The following AKAP9 variants were observed in gnomAD, a reference collection of about 807,000 sequenced individuals.
AKAP9 encodes A-kinase anchor protein 9.
Under a neutral mutation model 488.5 loss-of-function variants are expected in AKAP9, and 311 were observed. That is an observed-to-expected ratio of 0.64 (90% CI 0.58 to 0.70). The LOEUF (loss-of-function observed/expected upper bound fraction) is 0.70, where lower values mean the gene tolerates loss of function less well. Ranked by LOEUF, AKAP9 falls within the 30% of genes least tolerant of loss-of-function variation. The pLI is 0.00. For missense variants in AKAP9, 4,215 were observed against 4,374.5 expected, an observed-to-expected ratio of 0.96 and a Z score of 1.03; for synonymous variants, 1,462 against 1,483.5, an observed-to-expected ratio of 0.99 and a Z score of 0.33.
chr7:92,054,127 G>A (rs909381692), intron 22 of AKAP9, among the ~76,000 whole-genome samples: 2 of 152,086 alleles, frequency 1.3e-5, no homozygotes, highest in African/African-American at 4.8e-5. Context: ...ATGAATTTCA[G>A]CTCAGTTTTT....
At chr7:91,946,076 A>G (rs1299938881) in intron 1 of AKAP9, among the ~76,000 whole-genome samples, 1 of 152,170 alleles carries the variant, frequency 6.6e-6, no homozygotes, top group African/African-American at 2.4e-5. Context: ...AGTAGTTCCA[A>G]TTGTGTACAA....
chr7:92,027,725 C>T (rs1165997678), intron 14 of AKAP9, among the ~76,000 whole-genome samples: 1 of 149,952 alleles, frequency 6.7e-6, no homozygotes, highest in Non-Finnish European at 1.5e-5. Flanking sequence ...AGCGCCTCTG[C>T]CTGGCCGCTG....
chr7:92,056,184 TTC>T (rs1327533216), intron 22 of AKAP9, among the ~76,000 whole-genome samples: 1 of 152,046 alleles, frequency 6.6e-6, no homozygotes, highest in African/African-American at 2.4e-5. Context: ...TCAGTAATTT[TTC>T]TCTCTTATCT....
intron 8 of AKAP9, among the ~76,000 whole-genome samples, chr7:92,006,947 C>G (rs1338079182): frequency 1.3e-5 from 2 of 152,180 alleles, no homozygotes; most frequent in Admixed American, 1.3e-4. Context: ...TCCTTGAGAA[C>G]AGGGACCCAG....
rs1315066781 is a variant in AKAP9 at position 92,052,781 on chromosome 7, T to C, written c.5424T>C (p.Ile1808=). The part of the protein sequence containing the change: ...YSGSDMPRND[I]NMWSKVTEEG... ...GAAGTGATATGCCAAGAAATGACAT[T>C]AACATGTGGTCAAAAGTAACTGAGG... Residue 1808 remains isoleucine, a synonymous_variant, in exon 22 of 50, where the codon ATT becomes ATC. Transcript: ENST00000356239. 1 of 1,613,792 alleles carries C rather than the reference T, an allele frequency of 6.2e-7. No homozygotes were observed. The highest frequency in any genetic ancestry group is 8.5e-7 in the Non-Finnish European group (1 of 1,179,790).
At chr7:91,999,883 A>AG (rs1463497037) in intron 7 of AKAP9, among the ~76,000 whole-genome samples, 28 of 135,716 alleles carry the variant, frequency 2.1e-4, no homozygotes, top group Admixed American at 9.4e-4. Context: ...CATTCATTCA[A>AG]GGCACCTTTA....
intron 22 of AKAP9, among the ~76,000 whole-genome samples, chr7:92,058,571 T>C (rs1809217664): frequency 1.3e-5 from 2 of 152,070 alleles, no homozygotes; most frequent in Non-Finnish European, 2.9e-5. Flanking sequence ...GAGTTCCAAC[T>C]TGGCTATGTT....
chr7:92,027,880 G>C (rs1469442775), intron 14 of AKAP9, among the ~76,000 whole-genome samples: 5 of 152,210 alleles, frequency 3.3e-5, no homozygotes, highest in Non-Finnish European at 7.3e-5. Context: ...AAGAAAGAGA[G>C]ATCAGATTGT....
At chr7:92,046,262 C>T (rs1381877506) in intron 21 of AKAP9, among the ~76,000 whole-genome samples, 1 of 152,136 alleles carries the variant, frequency 6.6e-6, no homozygotes, top group Non-Finnish European at 1.5e-5. Context: ...GATGGAGAAA[C>T]ATAGGATGTG....
chr7:91,955,178 G>A (rs1456031675), intron 1 of AKAP9, among the ~76,000 whole-genome samples: 4 of 152,134 alleles, frequency 2.6e-5, no homozygotes, highest in African/African-American at 9.7e-5. Context: ...AACTTAGGGT[G>A]GGAGGAGAGG....
Position 92,098,204 on chromosome 7 carries a change from A to T in AKAP9, c.10703A>T (p.Gln3568Leu). 1 of 1,597,144 alleles carries T rather than the reference A, an allele frequency of 6.3e-7. No individual in the cohort carries two copies. Residue 3568 changes from glutamine (Q) to leucine (L), a missense_variant, in exon 43 of 50, where the codon CAA becomes CTA. By Grantham distance (113) the Gln-to-Leu change is moderately radical (BLOSUM62 -2). Around this residue, in one of 5 missense-constraint regions of AKAP9, gnomAD observed 1,476 missense variants for 1,477.4 expected, o/e 1.00. Transcript: ENST00000356239. ...ILQLQKLTGQ[Q>L]GEEPSLVSPS... is the part of the protein sequence containing the mutation. ...CAACTACAGAAATTAACTGGCCAGC[A>T]AGGTGAAGAGGTAATACTTTTTAAA...
chr7:92,110,073 G>A (rs1355560668), intron 49 of AKAP9, 49 bp from the exon 50 acceptor site: 8 of 1,393,110 alleles, frequency 5.7e-6, no homozygotes, highest in African/African-American at 1.4e-5. Context: ...TCTGATACAG[G>A]TAGCAATGTA....
chr7:92,102,047 T>G (rs907452449), intron 45 of AKAP9, among the ~76,000 whole-genome samples: 2 of 151,606 alleles, frequency 1.3e-5, no homozygotes, highest in Non-Finnish European at 2.9e-5. Flanking sequence ...TCCCAGCCAC[T>G]TGGAAGGCTG....
At chr7:92,065,843 T>C (rs934412173) in intron 25 of AKAP9, among the ~76,000 whole-genome samples, 1 of 152,140 alleles carries the variant, frequency 6.6e-6, no homozygotes, top group Non-Finnish European at 1.5e-5. Context: ...CATAGAACAG[T>C]GTGGCCATTG....
intron 1 of AKAP9, among the ~76,000 whole-genome samples, chr7:91,965,493 A>G (rs770585604): frequency 1.3e-5 from 2 of 152,226 alleles, no homozygotes; most frequent in Non-Finnish European, 2.9e-5. Context: ...ACAAAAAAAC[A>G]TGGGAATGCA....
At chr7:92,011,721 A>G (rs1008543908) in intron 8 of AKAP9, among the ~76,000 whole-genome samples, 2 of 152,212 alleles carry the variant, frequency 1.3e-5, no homozygotes, top group African/African-American at 2.4e-5. Context: ...AATATATAGG[A>G]AAGAGACCCT....
chr7:92,078,082 C>T (rs778583260), intron 30 of AKAP9, among the ~76,000 whole-genome samples: 3 of 152,014 alleles, frequency 2.0e-5, no homozygotes, highest in Admixed American at 6.5e-5. Context: ...CTGCAACCTC[C>T]ACCTCCTAGG....
At chr7:92,075,675 C>A (rs1812469106) in intron 28 of AKAP9, among the ~76,000 whole-genome samples, 1 of 152,166 alleles carries the variant, frequency 6.6e-6, no homozygotes, top group Non-Finnish European at 1.5e-5. Flanking sequence ...TGGGGATACT[C>A]AGAACAGATC....
rs745614058 is a variant in AKAP9 at position 92,102,763 on chromosome 7, C to T, written c.11267C>T (p.Thr3756Ile). 10 of 1,614,178 alleles carry T rather than the reference C, an allele frequency of 6.2e-6. No homozygotes were observed. The highest frequency in any genetic ancestry group is 2.2e-5 in the East Asian group (1 of 44,872). The change falls in exon 46 of 50, where the codon ACC becomes ATC. Residue 3756 changes from threonine (T) to isoleucine (I), a missense_variant. Transcript: ENST00000356239. The part of the protein sequence containing the change: ...QPAFTDLEVI[T>I]NRPKGFTRFR... Reference sequence around the variant, plus strand: ...GCTTTCACGGATCTAGAGGTGATCACCAATCGCCCAAAGGGCTTCACCAGG... The same window carrying T: ...GCTTTCACGGATCTAGAGGTGATCATCAATCGCCCAAAGGGCTTCACCAGG...
Sources: gnomAD v4.1 joint callset for allele counts (sites outside exome capture counted in the v4.1 genomes callset) on GRCh38, gnomAD v4.1.1 for gene constraint, gnomAD v4.1.1 regional missense constraint, MANE v1.5 for transcripts, NCBI Gene and HGNC (gene_info 2026-07-23, HGNC 2026-07-21) for gene names.